The following PLEKHB2 variants were observed in gnomAD, a reference collection of about 807,000 sequenced individuals.
PLEKHB2 encodes the protein pleckstrin homology domain containing B2, also known as pleckstrin homology domain-containing family B member 2.
A neutral mutation model predicts 36.5 loss-of-function variants in PLEKHB2; 31 were observed. The observed-to-expected ratio is 0.85, with a 90% confidence interval of 0.64 to 1.15. PLEKHB2 has a LOEUF of 1.15. PLEKHB2 is among the 50% of genes most tolerant of loss of function. The probability of loss-of-function intolerance (pLI) is 0.00; values close to 1 mark genes in which losing one functional copy is unlikely to be tolerated. For missense variants in PLEKHB2, 262 were observed against 295.3 expected, an observed-to-expected ratio of 0.89 and a Z score of 0.83; for synonymous variants, 119 against 112.0, an observed-to-expected ratio of 1.06 and a Z score of -0.39.
chr2:131,130,902 T>C, intron 5 of PLEKHB2, 142 bp downstream of exon 5: 1 of 640,840 alleles, frequency 1.6e-6, no homozygotes, highest in Admixed American at 2.9e-5. Flanking sequence ...CACCTCAGCC[T>C]CCCCTTCCCA....
Position 131,120,991 on chromosome 2 carries a change from TGTGCG to T in PLEKHB2, c.37+16_37+20del, listed in dbSNP as rs750198611. 1 of 1,613,294 alleles carries T rather than the reference TGTGCG, an allele frequency of 6.2e-7. No individual in the cohort carries two copies. The highest frequency in any genetic ancestry group is 1.3e-5 in the African/African-American group (1 of 74,924). On this transcript the variant is annotated intron_variant, in intron 2 of 7. Coordinates refer to ENST00000693505, the MANE Select transcript of PLEKHB2 (RefSeq NM_001100623.2). Reference sequence around the variant, plus strand: ...TTGCTGCGACAGAGTGAGTACAGGATGTGCGGTCTGCGATCGGCATTGCCGAAGGG... The same window carrying T: ...TTGCTGCGACAGAGTGAGTACAGGATGTCTGCGATCGGCATTGCCGAAGGG...
chr2:131,135,095 G>T (rs1015429415), intron 6 of PLEKHB2, among the ~76,000 whole-genome samples: 1 of 151,728 alleles, frequency 6.6e-6, no homozygotes, highest in Non-Finnish European at 1.5e-5. Flanking sequence ...TTTTGAGACA[G>T]AGTGTCTCTC....
At position 131,125,791 on chromosome 2, in the gene PLEKHB2, C is replaced by G. The variant is rs1317713313; in HGVS notation, c.76C>G (p.Leu26Val). Residue 26 changes from leucine (L) to valine (V), a missense_variant, in exon 3 of 8, where the codon CTG becomes GTG. Transcript: ENST00000693505. ...GCGCTGGAAGAAGAACTGGTTTGATCTGTGGTCGGATGGTCACCTGATCTA... is the reference window on the plus strand; with the variant it reads ...GCGCTGGAAGAAGAACTGGTTTGATGTGTGGTCGGATGGTCACCTGATCTA... ...LKRWKKNWFDLWSDGHLIYYD... is the reference protein window; with the variant it reads ...LKRWKKNWFDVWSDGHLIYYD... 1 of 1,612,412 alleles carries G rather than the reference C, an allele frequency of 6.2e-7. No individual in the cohort carries two copies. The highest frequency in any genetic ancestry group is 1.3e-5 in the African/African-American group (1 of 74,526).
chr2:131,136,461 G>A (rs1405303763), intron 6 of PLEKHB2, among the ~76,000 whole-genome samples: 1 of 151,350 alleles, frequency 6.6e-6, no homozygotes, highest in African/African-American at 2.4e-5. Flanking sequence ...CCTCCTGCCT[G>A]GGCCTCCCAA....
In PLEKHB2 at chr2:131,126,717, G is replaced by T; in HGVS notation, c.224G>T (p.Cys75Phe). ...TQPPDGKSKDCMLQIVCRDGK... is the reference protein window; with the variant it reads ...TQPPDGKSKDFMLQIVCRDGK... ...CCCCCGGATGGAAAGTCAAAAGACT[G>T]CATGCTCCAGATTGTTTGTCGAGAT... The change falls in exon 4 of 8, where the codon TGC (cysteine) becomes TTC (phenylalanine). Residue 75 changes from cysteine (C) to phenylalanine (F), a missense_variant. Transcript: ENST00000693505. 1 of 1,610,966 alleles carries T rather than the reference G, an allele frequency of 6.2e-7. No homozygotes were observed. Among genetic ancestry groups the T allele is most frequent in the South Asian group, 1.1e-5 (1 of 91,016 alleles).
At chr2:131,113,747 A>G (rs1016347478) in intron 1 of PLEKHB2, among the ~76,000 whole-genome samples, 3 of 152,114 alleles carry the variant, frequency 2.0e-5, no homozygotes, top group Non-Finnish European at 4.4e-5. Context: ...TTCACGGACT[A>G]TATTCTTCTA....
chr2:131,129,848 G>A (rs189766336), intron 4 of PLEKHB2, among the ~76,000 whole-genome samples: 15 of 152,026 alleles, frequency 9.9e-5, no homozygotes, highest in Admixed American at 7.2e-4. Context: ...CAGATATCTA[G>A]TTTTTTTTGA....
chr2:131,122,587 TGA>T (rs1553463053), intron 2 of PLEKHB2, among the ~76,000 whole-genome samples: 1 of 152,122 alleles, frequency 6.6e-6, no homozygotes, highest in Non-Finnish European at 1.5e-5. Context: ...TTGAAGAAAT[TGA>T]GATTCAGTGA....
Position 131,126,762 on chromosome 2 carries a change from G to A in PLEKHB2, c.269G>A (p.Cys90Tyr). 3 of 1,602,682 alleles carry A rather than the reference G, an allele frequency of 1.9e-6. No individual in the cohort carries two copies. Among genetic ancestry groups the A allele is most frequent in the Non-Finnish European group, 2.6e-6 (3 of 1,169,614 alleles). The change falls in exon 4 of 8, where the codon TGT becomes TAT. Residue 90 changes from cysteine (C) to tyrosine (Y), a missense_variant. Transcript: ENST00000693505. ...CGAGATGGGAAAACAATTAGTCTTT[G>A]TGCAGAAAGCACAGATGATTGCTTG... ...VCRDGKTISL[C>Y]AESTDDCLAW...
chr2:131,115,646 C>A (rs1695796477), intron 1 of PLEKHB2, among the ~76,000 whole-genome samples: 1 of 152,106 alleles, frequency 6.6e-6, no homozygotes, highest in Non-Finnish European at 1.5e-5. Flanking sequence ...AGCTACTGCG[C>A]CCTCCAGAAG....
chr2:131,133,073 A>T, intron 6 of PLEKHB2, 82 bp downstream of exon 6: 1 of 877,062 alleles, frequency 1.1e-6, no homozygotes. Flanking sequence ...TTTTAAATGA[A>T]ATTAGAAATG....
intron 1 of PLEKHB2, among the ~76,000 whole-genome samples, chr2:131,118,015 A>G (rs1696061142): frequency 1.3e-5 from 2 of 152,338 alleles, no homozygotes; most frequent in African/African-American, 4.8e-5. Context: ...ACCAAATTCA[A>G]CCATCTTAAG....
chr2:131,114,461 C>T (rs1345240860), intron 1 of PLEKHB2, among the ~76,000 whole-genome samples: 1 of 152,196 alleles, frequency 6.6e-6, no homozygotes, highest in African/African-American at 2.4e-5. Flanking sequence ...TGGTGATTAA[C>T]ATTGGACTTC....
intron 7 of PLEKHB2, among the ~76,000 whole-genome samples, chr2:131,141,639 CAAAAAAAAAA>C (rs771541896): frequency 3.5e-5 from 2 of 57,130 alleles, no homozygotes; most frequent in Non-Finnish European, 8.7e-5. Context: ...GACTCCGTCT[CAAAAAAAAAA>C]AAAAAAAAAA....
rs758243189 is a variant in PLEKHB2 at position 131,125,747 on chromosome 2, T to C, written c.38-6T>C. 1 of 1,586,536 alleles carries C rather than the reference T, an allele frequency of 6.3e-7. No homozygotes were observed. The highest frequency in any genetic ancestry group is 1.9e-5 in the Admixed American group (1 of 52,436). ...AAAAAACAACCGTACTATTTTTTTT[T>C]TCCAGGTACTATTTTGAAGCGCTGG... On this transcript the variant is annotated splice_polypyrimidine_tract_variant and splice_region_variant and intron_variant, in intron 2 of 7. Transcript: ENST00000693505.
intron 7 of PLEKHB2, among the ~76,000 whole-genome samples, chr2:131,144,253 A>G (rs878983047): frequency 6.6e-6 from 1 of 152,196 alleles, no homozygotes; most frequent in African/African-American, 2.4e-5. Flanking sequence ...TGGTCAGCCA[A>G]TTGAGAAAGT....
intron 5 of PLEKHB2, among the ~76,000 whole-genome samples, chr2:131,132,392 G>A (rs1347383612): frequency 1.3e-5 from 2 of 151,992 alleles, no homozygotes; most frequent in East Asian, 1.9e-4. Context: ...CTGCAGTCTC[G>A]AGCTCCTGGG....
intron 1 of PLEKHB2, among the ~76,000 whole-genome samples, chr2:131,113,074 T>C (rs943076922): frequency 6.9e-6 from 1 of 144,098 alleles, no homozygotes; most frequent in African/African-American, 2.4e-5. Context: ...ACCTAGTTGG[T>C]GTTCGCTGAA....
intron 1 of PLEKHB2, among the ~76,000 whole-genome samples, chr2:131,118,594 G>T (rs1011303767): frequency 6.6e-6 from 1 of 152,084 alleles, no homozygotes; most frequent in Non-Finnish European, 1.5e-5. Context: ...GGCCAGGCGC[G>T]GTGGCTCATG....
Sources: allele counts gnomAD v4.1 joint callset (sites outside exome capture counted in the v4.1 genomes callset), GRCh38; gene constraint gnomAD v4.1.1; transcripts MANE v1.5; gene names NCBI Gene and HGNC (gene_info 2026-07-23, HGNC 2026-07-21).